The following XKR4 variants were observed in gnomAD, a reference collection of about 807,000 sequenced individuals.
XKR4 encodes XK-related protein 4.
In XKR4, 12 loss-of-function variants were observed where a neutral mutation model predicts 53.9. The ratio of observed to expected loss-of-function variants is 0.22; its 90% CI spans 0.14 to 0.36. The LOEUF (loss-of-function observed/expected upper bound fraction) is 0.36, where lower values mean the gene tolerates loss of function less well. Among genes scored for constraint, XKR4 ranks in the 10% least tolerant of loss-of-function variants. The pLI, the probability that XKR4 is intolerant of heterozygous loss-of-function variation, is 1.00. For missense variants in XKR4, 799 were observed against 859.5 expected, an observed-to-expected ratio of 0.93 and a Z score of 0.88; for synonymous variants, 354 against 362.4, an observed-to-expected ratio of 0.98 and a Z score of 0.26.
At position 55,529,040 on chromosome 8, in the gene XKR4, C is replaced by T. The variant is rs1806915041; in HGVS notation, c.*4813C>T. 1 of 149,062 alleles carries T rather than the reference C, an allele frequency of 6.7e-6. No homozygotes were observed. The allele number at this position is 149,062 out of a possible 1,614,324, so 9.2% of individuals were successfully genotyped here. On this transcript the variant is annotated 3_prime_UTR_variant, in exon 3 of 3. Transcript: ENST00000327381. ...ATCTAGTTGCTGTCCTAAAAATGGG[C>T]ATGTGGCAAGACTCTCAATCTACAG...
rs112844342 is a variant in XKR4 at position 55,208,611 on chromosome 8, C to T, written c.806+105317C>T. 4.5e-3 allele frequency among the ~76,000 whole-genome samples: 687 copies of T among 152,082 alleles called. 7 individuals are homozygous for T. The highest frequency in any genetic ancestry group is 0.014 in the African/African-American group (600 of 41,450). ...CCTCCCAAGTAGCTAGGAGTACAGG[C>T]GCCCACCACCACACCCAGCTAATTT... On this transcript the variant is annotated intron_variant, in intron 1 of 2. Transcript: ENST00000327381.
chr8:55,399,011 A>C (rs1164769404), intron 2 of XKR4, among the ~76,000 whole-genome samples: 1 of 152,214 alleles, frequency 6.6e-6, no homozygotes, highest in Non-Finnish European at 1.5e-5. Context: ...TCATCATGGC[A>C]ATATTTTAGT....
At chr8:55,389,215 G>A (rs1804401894) in intron 2 of XKR4, among the ~76,000 whole-genome samples, 1 of 152,162 alleles carries the variant, frequency 6.6e-6, no homozygotes, top group South Asian at 2.1e-4. Context: ...AGGCACCTTG[G>A]TACTGGACTT....
intron 1 of XKR4, among the ~76,000 whole-genome samples, chr8:55,345,118 C>T (rs990909498): frequency 1.3e-5 from 2 of 151,924 alleles, no homozygotes; most frequent in African/African-American, 4.8e-5. Context: ...CCTGTCTCTA[C>T]TAAAAATACA....
intron 2 of XKR4, among the ~76,000 whole-genome samples, chr8:55,471,730 C>A (rs1012789842): frequency 3.3e-5 from 5 of 152,060 alleles, no homozygotes; most frequent in Non-Finnish European, 7.3e-5. Flanking sequence ...GAATGGTTAA[C>A]ACCATCCCCT....
intron 1 of XKR4, among the ~76,000 whole-genome samples, chr8:55,270,185 G>A (rs945589899): frequency 6.6e-6 from 1 of 152,100 alleles, no homozygotes; most frequent in Non-Finnish European, 1.5e-5. Context: ...GGTGGTAAAG[G>A]GAGTTTGTGC....
chr8:55,156,540 A>G (rs1046336389), intron 1 of XKR4, among the ~76,000 whole-genome samples: 3 of 152,304 alleles, frequency 2.0e-5, no homozygotes, highest in Admixed American at 6.5e-5. Context: ...TCATAAGACA[A>G]CAAATAGAAA....
At chr8:55,402,620 T>C (rs763298084) in intron 2 of XKR4, among the ~76,000 whole-genome samples, 3 of 152,206 alleles carry the variant, frequency 2.0e-5, no homozygotes, top group Non-Finnish European at 4.4e-5. Context: ...AGACTTTTAC[T>C]ATGATTCAAA....
chr8:55,263,062 T>G (rs1399353828), intron 1 of XKR4, among the ~76,000 whole-genome samples: 1 of 152,208 alleles, frequency 6.6e-6, no homozygotes, highest in African/African-American at 2.4e-5. Context: ...CACCCTGCTC[T>G]TTCTGCCTCA....
intron 2 of XKR4, among the ~76,000 whole-genome samples, chr8:55,435,999 T>G (rs1252515650): frequency 1.3e-5 from 2 of 152,188 alleles, no homozygotes; most frequent in Non-Finnish European, 2.9e-5. Flanking sequence ...CCAAACAAGC[T>G]GCCCTGTTGC....
intron 2 of XKR4, among the ~76,000 whole-genome samples, chr8:55,482,337 A>G (rs1002297194): frequency 5.3e-5 from 8 of 152,138 alleles, no homozygotes; most frequent in Non-Finnish European, 8.8e-5. Flanking sequence ...ATAGGTGGGA[A>G]TTAAACAATG....
At chr8:55,179,454 A>C (rs1300833073) in intron 1 of XKR4, among the ~76,000 whole-genome samples, 1 of 152,130 alleles carries the variant, frequency 6.6e-6, no homozygotes, top group Non-Finnish European at 1.5e-5. Context: ...ACATTTTCAG[A>C]CTGGTATCCA....
chr8:55,111,282 T>C (rs1037412886), intron 1 of XKR4, among the ~76,000 whole-genome samples: 1 of 152,178 alleles, frequency 6.6e-6, no homozygotes, highest in Non-Finnish European at 1.5e-5. Context: ...TTTCTATCTG[T>C]ATGATGCGAT....
chr8:55,451,325 G>T, intron 2 of XKR4: 1 of 625,062 alleles, frequency 1.6e-6, no homozygotes. Context: ...GGGTTAGACA[G>T]AGTGGTGACC....
chr8:55,301,500 G>A (rs1371957425), intron 1 of XKR4, among the ~76,000 whole-genome samples: 3 of 151,830 alleles, frequency 2.0e-5, no homozygotes, highest in African/African-American at 7.3e-5. Flanking sequence ...TAATCCTTTG[G>A]GTATATACCC....
At chr8:55,304,238 G>A (rs1216526071) in intron 1 of XKR4, among the ~76,000 whole-genome samples, 3 of 152,144 alleles carry the variant, frequency 2.0e-5, no homozygotes, top group Non-Finnish European at 4.4e-5. Flanking sequence ...CGTTATTTCT[G>A]CCTTCATTTC....
chr8:55,523,325 G>C lies in XKR4; in HGVS notation c.1051G>C (p.Ala351Pro), dbSNP rs1455713008. The change falls in exon 3 of 3, where the codon GCC (alanine) becomes CCC (proline). Residue 351 changes from alanine to proline, a missense_variant. Ala to Pro is a conservative substitution (Grantham distance 27). This residue lies in a region of XKR4 where 476 missense variants were observed against 505.4 expected (regional missense o/e 0.94). Transcript: ENST00000327381. ...ASLVSLAWAL[A>P]SYQKALRDSR... ...CCTCGTGTCCCTGGCCTGGGCCTTG[G>C]CCTCCTACCAGAAGGCCCTCCGGGA... 1 of 1,613,842 alleles carries C rather than the reference G, an allele frequency of 6.2e-7. No homozygotes were observed. Among genetic ancestry groups the C allele is most frequent in the Non-Finnish European group, 8.5e-7 (1 of 1,179,832 alleles).
At chr8:55,357,647 CT>C in intron 1 of XKR4, 30 bp from the exon 2 acceptor site, 1 of 1,609,988 alleles carries the variant, frequency 6.2e-7, no homozygotes, top group Non-Finnish European at 8.5e-7. Context: ...CATCACTCAT[CT>C]CTTTCTTATT....
intron 1 of XKR4, among the ~76,000 whole-genome samples, chr8:55,257,139 A>C (rs1818449622): frequency 6.6e-6 from 1 of 152,198 alleles, no homozygotes; most frequent in Non-Finnish European, 1.5e-5. Context: ...ACCAACATTC[A>C]GACCATGCAC....
Sources: gnomAD v4.1 joint callset for allele counts (sites outside exome capture counted in the v4.1 genomes callset) on GRCh38, gnomAD v4.1.1 for gene constraint, gnomAD v4.1.1 regional missense constraint, MANE v1.5 for transcripts, NCBI Gene and HGNC (gene_info 2026-07-23, HGNC 2026-07-21) for gene names.